DLG2: variants seen among roughly 807,000 people sequenced by gnomAD.
The protein encoded by DLG2 is disks large homolog 2.
In DLG2, 45 loss-of-function variants were observed where a neutral mutation model predicts 132.5. The ratio of observed to expected loss-of-function variants is 0.34; its 90% CI spans 0.27 to 0.44. DLG2 has a LOEUF of 0.44. Ranked by LOEUF, DLG2 falls within the 20% of genes least tolerant of loss-of-function variation. The pLI, the probability that DLG2 is intolerant of heterozygous loss-of-function variation, is 1.00. For synonymous variants in DLG2, 424 were observed against 419.6 expected (o/e 1.01, Z -0.13); for missense variants, 1,045 against 1,196.9 (o/e 0.87, Z 1.87).
chr11:85,068,779 T>C (rs902391357), intron 6 of DLG2, among the ~76,000 whole-genome samples: 14 of 152,118 alleles, frequency 9.2e-5, no homozygotes, highest in African/African-American at 3.4e-4. Flanking sequence ...AATGACTTTC[T>C]TCACAGAATT....
chr11:84,039,790 G>A (rs532514185), intron 11 of DLG2, among the ~76,000 whole-genome samples: 5 of 120,574 alleles, frequency 4.1e-5, no homozygotes, highest in East Asian at 5.4e-4. Context: ...CTGAGGAATC[G>A]CCACACTGAC....
intron 16 of DLG2, among the ~76,000 whole-genome samples, chr11:83,842,214 A>C (rs1422090402): frequency 6.6e-6 from 1 of 152,188 alleles, no homozygotes; most frequent in South Asian, 2.1e-4. Flanking sequence ...AGGATCCTCT[A>C]AACTAGTCAG....
At chr11:84,383,063 G>A (rs2098754512) in intron 7 of DLG2, among the ~76,000 whole-genome samples, 1 of 151,764 alleles carries the variant, frequency 6.6e-6, no homozygotes, top group Non-Finnish European at 1.5e-5. Context: ...CTTCCTGCCT[G>A]GTATTCATCC....
At chr11:83,627,552 C>T (rs12099406) in intron 19 of DLG2, among the ~76,000 whole-genome samples, 55,634 of 152,074 alleles carry the variant, frequency 0.37, 12,484 homozygotes, top group African/African-American at 0.64. Flanking sequence ...CTCATCATTT[C>T]TTATGGCTGC....
intron 14 of DLG2, among the ~76,000 whole-genome samples, chr11:83,955,721 C>T (rs1201689368): frequency 6.6e-6 from 1 of 152,208 alleles, no homozygotes; most frequent in Non-Finnish European, 1.5e-5. Context: ...ACCATCTAAT[C>T]AGCTGCCAGT....
chr11:85,476,359 G>GC (rs34832355), intron 3 of DLG2, among the ~76,000 whole-genome samples: 115,725 of 151,872 alleles, frequency 0.76, 45,176 homozygotes, highest in Middle Eastern at 0.89. Flanking sequence ...AAATGTGAAG[G>GC]CCTAAGACAT....
chr11:84,372,655 T>G (rs1037905977), intron 7 of DLG2, among the ~76,000 whole-genome samples: 1 of 152,232 alleles, frequency 6.6e-6, no homozygotes, highest in Non-Finnish European at 1.5e-5. Context: ...TGTTTAATAG[T>G]GTTATAAATA....
chr11:85,443,929 A>C (rs2091896959), intron 3 of DLG2, among the ~76,000 whole-genome samples: 2 of 152,254 alleles, frequency 1.3e-5, no homozygotes, highest in South Asian at 4.1e-4. Flanking sequence ...AATACAACAC[A>C]AATGTACAAC....
chr11:84,022,093 A>G (rs1483389), intron 11 of DLG2, among the ~76,000 whole-genome samples: 39,838 of 151,964 alleles, frequency 0.26, 5,494 homozygotes, highest in East Asian at 0.48. Flanking sequence ...AGCAACCTTC[A>G]ATGCAGGCAC....
At chr11:84,879,481 T>C (rs560910863) in intron 6 of DLG2, among the ~76,000 whole-genome samples, 2 of 152,258 alleles carry the variant, frequency 1.3e-5, no homozygotes, top group Non-Finnish European at 2.9e-5. Context: ...GCAGGGACAC[T>C]TGGGAGGAGG....
At chr11:85,573,685 A>G (rs957386317) in intron 3 of DLG2, among the ~76,000 whole-genome samples, 1 of 152,166 alleles carries the variant, frequency 6.6e-6, no homozygotes, top group Admixed American at 6.6e-5. Flanking sequence ...AATAAATCCA[A>G]TAAGTCCCGT....
chr11:84,458,734 G>A (rs547423467), intron 7 of DLG2, among the ~76,000 whole-genome samples: 2 of 150,506 alleles, frequency 1.3e-5, no homozygotes, highest in African/African-American at 4.8e-5. Flanking sequence ...TTGCATTTAC[G>A]ATTAGAATGT....
chr11:85,444,905 C>T (rs929529085), intron 3 of DLG2, among the ~76,000 whole-genome samples: 1 of 152,050 alleles, frequency 6.6e-6, no homozygotes, highest in Non-Finnish European at 1.5e-5. Context: ...ACTGTACTTG[C>T]CAGAACCATT....
At chr11:83,608,615 C>A (rs2059670608) in intron 19 of DLG2, among the ~76,000 whole-genome samples, 1 of 151,902 alleles carries the variant, frequency 6.6e-6, no homozygotes, top group African/African-American at 2.4e-5. Context: ...AAACATGTAT[C>A]ATTTTTGCAC....
intron 15 of DLG2, among the ~76,000 whole-genome samples, chr11:83,923,607 G>C (rs1011581479): frequency 6.6e-6 from 1 of 151,966 alleles, no homozygotes; most frequent in Non-Finnish European, 1.5e-5. Context: ...TGTCCAACAG[G>C]GGCAAAGAAT....
chr11:85,527,183 T>TA (rs1159576135), intron 3 of DLG2, among the ~76,000 whole-genome samples: 16 of 151,980 alleles, frequency 1.1e-4, no homozygotes, highest in Non-Finnish European at 1.9e-4. Context: ...TTTATTTTTT[T>TA]TTTTTTTTAT....
intron 3 of DLG2, among the ~76,000 whole-genome samples, chr11:85,501,016 C>G (rs543494555): frequency 1.3e-5 from 2 of 152,294 alleles, no homozygotes; most frequent in African/African-American, 4.8e-5. Flanking sequence ...TGACTTCAAC[C>G]TTTACTACAA....
intron 18 of DLG2, among the ~76,000 whole-genome samples, chr11:83,707,868 C>T (rs547333733): frequency 2.6e-5 from 4 of 152,244 alleles, no homozygotes; most frequent in Admixed American, 2.6e-4. Flanking sequence ...TAAAATTTTC[C>T]AGAAGGCAGA....
At chr11:84,193,043 G>C (rs1425375113) in intron 8 of DLG2, among the ~76,000 whole-genome samples, 2 of 152,168 alleles carry the variant, frequency 1.3e-5, no homozygotes, top group Non-Finnish European at 2.9e-5. Context: ...ATCTGCTGAA[G>C]TGGCTAACAA....
Sources: gnomAD v4.1 joint callset for allele counts (sites outside exome capture counted in the v4.1 genomes callset) on GRCh38, gnomAD v4.1.1 for gene constraint, MANE v1.5 for transcripts, NCBI Gene and HGNC (gene_info 2026-07-23, HGNC 2026-07-21) for gene names.